ARHGEF3: variants seen among roughly 807,000 people sequenced by gnomAD.
ARHGEF3 encodes the protein 59.8 kDA protein.
A neutral mutation model predicts 63.2 loss-of-function variants in ARHGEF3; 28 were observed. That is an observed-to-expected ratio of 0.44 (90% CI 0.33 to 0.61). The LOEUF (loss-of-function observed/expected upper bound fraction) is 0.61, where lower values mean the gene tolerates loss of function less well. ARHGEF3 is among the 20% of genes least tolerant of loss of function. ARHGEF3 has a pLI of 0.03. For missense variants in ARHGEF3, 533 were observed against 659.3 expected (o/e 0.81, Z 2.10); for synonymous variants, 266 against 254.2 (o/e 1.05, Z -0.44).
intron 4 of ARHGEF3, among the ~76,000 whole-genome samples, chr3:56,832,931 C>A (rs1489889480): frequency 6.6e-6 from 1 of 152,212 alleles, no homozygotes. Context: ...GTCTAAGGTT[C>A]ATCCATGTTG....
At chr3:56,767,485 G>A (rs1435776673) in intron 2 of ARHGEF3, among the ~76,000 whole-genome samples, 3 of 148,624 alleles carry the variant, frequency 2.0e-5, no homozygotes, top group African/African-American at 7.5e-5. Flanking sequence ...TGGGGAGGCC[G>A]AGACAGGAGA....
intron 2 of ARHGEF3, among the ~76,000 whole-genome samples, chr3:56,763,982 A>G (rs1346955576): frequency 6.6e-6 from 1 of 152,212 alleles, no homozygotes; most frequent in Admixed American, 6.5e-5. Flanking sequence ...ATGAAAGACA[A>G]TGAACACTGA....
At chr3:56,855,759 TAC>T (rs979528130) in intron 4 of ARHGEF3, among the ~76,000 whole-genome samples, 1 of 151,750 alleles carries the variant, frequency 6.6e-6, no homozygotes, top group Non-Finnish European at 1.5e-5. Flanking sequence ...GACTGCTACA[TAC>T]AACTACGACA....
intron 2 of ARHGEF3, among the ~76,000 whole-genome samples, chr3:56,973,165 C>T (rs567818454): frequency 3.9e-5 from 6 of 152,038 alleles, no homozygotes; most frequent in Admixed American, 6.5e-5. Context: ...TACAGGCACC[C>T]GCCACCACGC....
At chr3:56,919,325 G>A (rs983298867) in intron 3 of ARHGEF3, among the ~76,000 whole-genome samples, 2 of 152,196 alleles carry the variant, frequency 1.3e-5, no homozygotes, top group Non-Finnish European at 2.9e-5. Context: ...GCACCCTCTG[G>A]TGGTAATCCT....
At chr3:57,004,587 A>G (rs923460612) in intron 2 of ARHGEF3, among the ~76,000 whole-genome samples, 5 of 152,254 alleles carry the variant, frequency 3.3e-5, no homozygotes, top group African/African-American at 9.6e-5. Context: ...AACTGGCCCC[A>G]GCATGCACTG....
intron 1 of ARHGEF3, chr3:56,775,158 T>G: frequency 6.5e-7 from 1 of 1,533,692 alleles, no homozygotes; most frequent in Non-Finnish European, 8.8e-7. Flanking sequence ...TTTCAGCCAT[T>G]GCTTTCAAAG....
intron 6 of ARHGEF3, among the ~76,000 whole-genome samples, chr3:56,746,678 C>T (rs1258497119): frequency 1.3e-5 from 2 of 151,608 alleles, no homozygotes; most frequent in African/African-American, 2.4e-5. Flanking sequence ...TGCAGTGAGC[C>T]GAGATCATGC....
chr3:56,774,621 G>A (rs1354725221), intron 1 of ARHGEF3, among the ~76,000 whole-genome samples: 5 of 152,166 alleles, frequency 3.3e-5, no homozygotes, highest in African/African-American at 1.2e-4. Context: ...TAACAGCCTG[G>A]CCAGGCGCAG....
intron 3 of ARHGEF3, among the ~76,000 whole-genome samples, chr3:56,952,459 A>C (rs3890747): frequency 0.12 from 17,580 of 152,214 alleles, 1,278 homozygotes; most frequent in East Asian, 0.25. Flanking sequence ...CACTTACACC[A>C]TGCCCTAACT....
chr3:56,820,481 T>C (rs559420886), intron 4 of ARHGEF3, among the ~76,000 whole-genome samples: 2 of 151,974 alleles, frequency 1.3e-5, no homozygotes, highest in African/African-American at 4.8e-5. Flanking sequence ...GGGGGGACAG[T>C]GAGATTTTTC....
chr3:56,990,867 C>T (rs943449171), intron 2 of ARHGEF3, among the ~76,000 whole-genome samples: 1 of 152,168 alleles, frequency 6.6e-6, no homozygotes, highest in African/African-American at 2.4e-5. Flanking sequence ...GCCTCTGAAC[C>T]AGAGGAACAA....
intron 4 of ARHGEF3, among the ~76,000 whole-genome samples, chr3:56,822,831 G>T (rs148667601): frequency 0.015 from 2,173 of 140,938 alleles, 144 homozygotes; most frequent in Admixed American, 0.13. Flanking sequence ...TCCAGCCAGG[G>T]TGACAGAGTA....
At chr3:56,916,478 A>G in intron 3 of ARHGEF3, 2 of 1,398,758 alleles carry the variant, frequency 1.4e-6, no homozygotes, top group East Asian at 5.6e-5. Context: ...GCATGACAGG[A>G]AGTGACAGGG....
At chr3:56,958,499 T>C (rs1188108146) in intron 3 of ARHGEF3, among the ~76,000 whole-genome samples, 5 of 151,958 alleles carry the variant, frequency 3.3e-5, no homozygotes, top group Admixed American at 3.3e-4. Flanking sequence ...CAGCTAATTT[T>C]CATATTTTTT....
chr3:57,001,775 T>A (rs953989411), intron 2 of ARHGEF3, among the ~76,000 whole-genome samples: 7 of 152,160 alleles, frequency 4.6e-5, no homozygotes, highest in Non-Finnish European at 1.0e-4. Context: ...GCCAACTGAA[T>A]TATTTAGGTG....
intron 2 of ARHGEF3, chr3:56,975,885 T>C: frequency 3.2e-6 from 1 of 309,962 alleles, no homozygotes; most frequent in Middle Eastern, 4.2e-4. Context: ...TTTTTCTACA[T>C]CTGCAAATAA....
chr3:57,062,703 C>T (rs1047898960), intron 1 of ARHGEF3, among the ~76,000 whole-genome samples: 3 of 146,056 alleles, frequency 2.1e-5, no homozygotes, highest in Admixed American at 6.7e-5. Context: ...TACACACATG[C>T]ACACACACAC....
chr3:56,947,284 C>T (rs1158047062), intron 3 of ARHGEF3, among the ~76,000 whole-genome samples: 1 of 152,128 alleles, frequency 6.6e-6, no homozygotes, highest in Admixed American at 6.5e-5. Flanking sequence ...ACAATATTAA[C>T]CTTAAATGTA....
Sources: gnomAD v4.1 joint callset for allele counts (sites outside exome capture counted in the v4.1 genomes callset) on GRCh38, gnomAD v4.1.1 for gene constraint, MANE v1.5 for transcripts, NCBI Gene and HGNC (gene_info 2026-07-23, HGNC 2026-07-21) for gene names.